SNED1: variants seen among roughly 807,000 people sequenced by gnomAD.
SNED1 encodes sushi, nidogen and EGF-like domain-containing protein 1.
Under a neutral mutation model 166.7 loss-of-function variants are expected in SNED1, and 81 were observed. The ratio of observed to expected loss-of-function variants is 0.49; its 90% CI spans 0.41 to 0.58. SNED1 has a LOEUF of 0.58. Among genes scored for constraint, SNED1 ranks in the 20% least tolerant of loss-of-function variants. The pLI, the probability that SNED1 is intolerant of heterozygous loss-of-function variation, is 0.00. For synonymous variants in SNED1, 762 were observed against 822.0 expected (o/e 0.93, Z 1.25); for missense variants, 1,604 against 2,000.2 (o/e 0.80, Z 3.78).
intron 3 of SNED1, 115 bp downstream of exon 3, chr2:241,033,990 G>A (rs2061266133): frequency 7.8e-7 from 1 of 1,277,626 alleles, no homozygotes; most frequent in South Asian, 1.6e-5. Flanking sequence ...CCAGTACCGT[G>A]CAGAGGCCAA....
intron 16 of SNED1, among the ~76,000 whole-genome samples, chr2:241,060,559 T>C (rs1156274937): frequency 6.6e-6 from 1 of 152,238 alleles, no homozygotes; most frequent in Non-Finnish European, 1.5e-5. Context: ...ACAATGGTTT[T>C]GTACTTGGAA....
intron 8 of SNED1, among the ~76,000 whole-genome samples, chr2:241,044,023 T>C (rs2061582302): frequency 1.3e-5 from 2 of 152,172 alleles, no homozygotes; most frequent in African/African-American, 4.8e-5. Flanking sequence ...GTAAAAGATA[T>C]ACATTGTAAA....
chr2:241,066,513 C>G (rs944533828), intron 21 of SNED1, among the ~76,000 whole-genome samples: 1 of 152,196 alleles, frequency 6.6e-6, no homozygotes. Context: ...ATGGGACTCT[C>G]ACCCAACATG....
chr2:241,063,445 G>A (rs1386968991), intron 17 of SNED1, 142 bp from the exon 18 acceptor site: 3 of 681,604 alleles, frequency 4.4e-6, no homozygotes, highest in Non-Finnish European at 8.1e-6. Flanking sequence ...GGGGCTGATG[G>A]AAGAAAAAGC....
chr2:241,041,639 C>G (rs1207474809), intron 8 of SNED1, among the ~76,000 whole-genome samples: 1 of 151,908 alleles, frequency 6.6e-6, no homozygotes, highest in Non-Finnish European at 1.5e-5. Context: ...GAGCTGAGAT[C>G]GCACCACTGC....
At chr2:241,047,413 C>T in intron 8 of SNED1, among the ~76,000 whole-genome samples, 1 of 152,136 alleles carries the variant, frequency 6.6e-6, no homozygotes, top group East Asian at 1.9e-4. Flanking sequence ...GAGATTTCGA[C>T]ACTCCCCTCT....
chr2:241,026,463 T>A (rs928266996), intron 1 of SNED1, among the ~76,000 whole-genome samples: 1 of 152,234 alleles, frequency 6.6e-6, no homozygotes, highest in Middle Eastern at 3.2e-3. Flanking sequence ...GTCATCTTAC[T>A]GTTTTCCATT....
rs1011163150 is a variant in SNED1, at chr2:241,068,466, G to A, written c.3195-445G>A. 2.6e-5 allele frequency among the ~76,000 whole-genome samples: 4 copies of A among 152,118 alleles called. No individual in the cohort carries two copies. The highest frequency in any genetic ancestry group is 1.3e-4 in the Admixed American group (2 of 15,282). On this transcript the variant is annotated intron_variant, in intron 22 of 31. Coordinates refer to ENST00000310397, the MANE Select transcript of SNED1 (RefSeq NM_001080437.3). This position sits in a 1 kb window ranked among gnomAD's most constrained non-coding sequence, Gnocchi z 5.3. ...GTGCTCAGCGCAGGCAGGGGTGCAG[G>A]AAAAGATCGGAGAGCGAGTGGGAAG... is the stretch of plus-strand genomic sequence containing the variant.
Position 240,999,002 on chromosome 2 carries a change from G to T in SNED1, c.165G>T (p.Pro55=). The change falls in exon 1 of 32, where the codon CCG becomes CCT. Residue 55 remains proline (P), a synonymous_variant. Coordinates refer to ENST00000310397, the MANE Select transcript of SNED1 (RefSeq NM_001080437.3). The surrounding 1 kb of genome is among the most constrained non-coding windows in gnomAD (Gnocchi z 5.8). ...ACGACGGCGGCTCGGGGCTGCGGCC[G>T]CTCTCGGTGCCCTTCCCGTTCTTCG... ...KQDDGGSGLR[P]LSVPFPFFGA... The T allele has an allele frequency of 7.6e-7, 1 of 1,324,432 alleles. No individual in the cohort carries two copies. Among genetic ancestry groups the T allele is most frequent in the Non-Finnish European group, 9.7e-7 (1 of 1,034,054 alleles). 82.0% of individuals were successfully genotyped at this position (1,324,432 alleles called of 1,614,324 possible).
intron 1 of SNED1, among the ~76,000 whole-genome samples, chr2:241,000,918 C>T (rs893368207): frequency 7.9e-5 from 12 of 152,214 alleles, no homozygotes; most frequent in Admixed American, 2.6e-4. Flanking sequence ...ACTGTGCGGA[C>T]TCTGTGGTCA....
chr2:241,002,216 C>T (rs904365588), intron 1 of SNED1, among the ~76,000 whole-genome samples: 4 of 152,148 alleles, frequency 2.6e-5, no homozygotes, highest in African/African-American at 4.8e-5. Context: ...GTTGTGTGGT[C>T]GCCAGCTCCA....
chr2:241,087,465 A>AC lies in SNED1; in HGVS notation c.4199dup (p.Asn1401LysfsTer6). On this transcript the variant is annotated frameshift_variant, in exon 30 of 32. Coordinates refer to ENST00000310397, the MANE Select transcript of SNED1 (RefSeq NM_001080437.3). LOFTEE classifies it high-confidence loss of function. ...CTGTGAAAGCACAAGCCTCAAGAAG[A>AC]CCCCAAACAGGTGCCTCTGGGGAGC... 6.2e-7 allele frequency: 1 copy of AC among 1,602,344 alleles called. No individual in the cohort carries two copies. The highest frequency in any genetic ancestry group is 8.5e-7 in the Non-Finnish European group (1 of 1,174,442).
rs771784733 is a variant in SNED1, at chr2:241,063,632, G to A, written c.2417G>A (p.Cys806Tyr). 1 of 1,612,316 alleles carries A rather than the reference G, an allele frequency of 6.2e-7. No homozygotes were observed. The highest frequency in any genetic ancestry group is 8.5e-7 in the Non-Finnish European group (1 of 1,179,322). The stretch of plus-strand genomic sequence containing the variant: ...CACCCGTGCAGAAATGGAGGGTCCT[G>A]CAGGAACCTCCCAGGGGCCTATGTC... ...RAHPCRNGGS[C>Y]RNLPGAYVCR... The change falls in exon 18 of 32, where the codon TGC becomes TAC. Residue 806 changes from cysteine (C) to tyrosine (Y), a missense_variant. Transcript: ENST00000310397.
chr2:241,015,305 G>A (rs183997300), intron 1 of SNED1, among the ~76,000 whole-genome samples: 45 of 152,262 alleles, frequency 3.0e-4, no homozygotes, highest in African/African-American at 7.5e-4. Flanking sequence ...TTTCAGAATC[G>A]AGTGCAGAGA....
chr2:241,060,679 A>G (rs1575020226), intron 16 of SNED1, among the ~76,000 whole-genome samples: 1 of 152,324 alleles, frequency 6.6e-6, no homozygotes, highest in Admixed American at 6.5e-5. Context: ...CACATGGCTC[A>G]TGCCTATAAT....
chr2:241,037,739 G>T (rs2061417663), intron 6 of SNED1, among the ~76,000 whole-genome samples: 1 of 152,344 alleles, frequency 6.6e-6, no homozygotes, highest in South Asian at 2.1e-4. Flanking sequence ...CAGCTTGAGG[G>T]GAACGTGAAG....
intron 3 of SNED1, 139 bp downstream of exon 3, chr2:241,034,014 C>A: frequency 9.1e-7 from 1 of 1,099,134 alleles, no homozygotes; most frequent in Non-Finnish European, 1.3e-6. Flanking sequence ...GAGACATCCA[C>A]AACCATCCCT....
At chr2:241,049,780 G>A (rs765786382) in intron 11 of SNED1, 37 bp from the exon 12 acceptor site, 7 of 1,540,090 alleles carry the variant, frequency 4.5e-6, no homozygotes, top group South Asian at 3.4e-5. Context: ...CAGATGCGGC[G>A]TAAGCTCCAG....
intron 16 of SNED1, among the ~76,000 whole-genome samples, chr2:241,060,252 G>A (rs1038803518): frequency 5.3e-5 from 8 of 150,528 alleles, no homozygotes; most frequent in Admixed American, 2.0e-4. Context: ...GCACAATCTC[G>A]GCTCACTGCA....
Sources: allele counts gnomAD v4.1 joint callset (sites outside exome capture counted in the v4.1 genomes callset), GRCh38; gene constraint gnomAD v4.1.1; non-coding constraint Gnocchi (gnomAD v3.1); transcripts MANE v1.5; gene names NCBI Gene and HGNC (gene_info 2026-07-23, HGNC 2026-07-21).